The following RUNX2 variants were observed in gnomAD, a reference collection of about 807,000 sequenced individuals.
The protein encoded by RUNX2 is runt-related transcription factor 2.
RUNX2 carries 10 observed loss-of-function variants against 51.7 expected under a neutral mutation model. The observed-to-expected ratio is 0.19, with a 90% CI of 0.12 to 0.33. The LOEUF (loss-of-function observed/expected upper bound fraction) is 0.33. Ranked by LOEUF, RUNX2 falls within the 10% of genes least tolerant of loss-of-function variation. The pLI is 1.00. For missense variants in RUNX2, 562 were observed against 691.3 expected (o/e 0.81, Z 2.10); for synonymous variants, 276 against 273.6 (o/e 1.01, Z -0.09).
intron 2 of RUNX2, among the ~76,000 whole-genome samples, chr6:45,408,023 C>T (rs927257291): frequency 6.6e-6 from 1 of 152,042 alleles, no homozygotes; most frequent in Non-Finnish European, 1.5e-5. Context: ...AACATAACTA[C>T]ATTATACTTT....
Position 45,399,172 on chromosome 6 carries a change from C to T in RUNX2, c.59-23421C>T, listed in dbSNP as rs560369759. ...CCCTGACCCCAGTTTGTTTCCTCCT[C>T]TCTTCATCTGTATTTCTACTAATGA... On this transcript the variant is annotated intron_variant, in intron 2 of 8. Transcript: ENST00000647337. 2.0e-5 allele frequency among the ~76,000 whole-genome samples: 3 copies of T among 152,138 alleles called. No homozygotes were observed. The East Asian group carries it at 5.8e-4, about 29-fold the overall frequency.
intron 2 of RUNX2, among the ~76,000 whole-genome samples, chr6:45,418,537 G>C (rs1798111544): frequency 1.3e-5 from 2 of 152,172 alleles, no homozygotes; most frequent in South Asian, 4.1e-4. Context: ...TAAACCCAAA[G>C]ATGACATCAA....
rs926396144 is a variant in RUNX2 at position 45,380,430 on chromosome 6, A to C, written c.59-42163A>C. ...TGGCATGTAATATTCACGTAGACTC[A>C]CTAGTGCAAAGAGAAAGTGCATGTA... On this transcript the variant is annotated intron_variant, in intron 2 of 8. Transcript: ENST00000647337. Among the ~76,000 whole-genome samples, 32 of 152,248 alleles carry C rather than the reference A, an allele frequency of 2.1e-4. 1 individual carries two copies. The highest frequency in any genetic ancestry group is 7.7e-4 in the African/African-American group (32 of 41,468).
chr6:45,450,431 C>T (rs1046341636), intron 5 of RUNX2, among the ~76,000 whole-genome samples: 2 of 152,308 alleles, frequency 1.3e-5, no homozygotes, highest in African/African-American at 4.8e-5. Context: ...TGAGTGCTTA[C>T]TGTTAGCCAG....
chr6:45,372,734 G>A (rs1283563124), intron 2 of RUNX2, among the ~76,000 whole-genome samples: 1 of 151,984 alleles, frequency 6.6e-6, no homozygotes, highest in Non-Finnish European at 1.5e-5. Flanking sequence ...TCTCAGCTCA[G>A]TGCAATCTCC....
intron 7 of RUNX2, among the ~76,000 whole-genome samples, chr6:45,517,300 G>C (rs1046227280): frequency 3.0e-4 from 46 of 152,158 alleles, no homozygotes; most frequent in Admixed American, 2.0e-3. Flanking sequence ...CCCCATCTCA[G>C]CCTCCTGAGT....
intron 2 of RUNX2, among the ~76,000 whole-genome samples, chr6:45,383,157 G>A (rs960030403): frequency 2.0e-5 from 3 of 152,216 alleles, no homozygotes; most frequent in East Asian, 1.9e-4. Context: ...GTTCTGGGCC[G>A]GGCACGGTGA....
chr6:45,408,490 C>G (rs1237294198), intron 2 of RUNX2, among the ~76,000 whole-genome samples: 1 of 152,074 alleles, frequency 6.6e-6, no homozygotes, highest in South Asian at 2.1e-4. Context: ...TGATGCAATG[C>G]AGCCCCTAAG....
At chr6:45,507,712 A>G (rs1359600907) in intron 6 of RUNX2, among the ~76,000 whole-genome samples, 2 of 152,192 alleles carry the variant, frequency 1.3e-5, no homozygotes, top group African/African-American at 4.8e-5. Flanking sequence ...AAAGAACATG[A>G]TTAAGGTTAA....
intron 5 of RUNX2, among the ~76,000 whole-genome samples, chr6:45,488,758 A>G (rs1005502196): frequency 1.3e-5 from 2 of 152,174 alleles, no homozygotes; most frequent in African/African-American, 4.8e-5. Flanking sequence ...GCATTTTTAC[A>G]TAGAGTCTCA....
chr6:45,422,289 G>C, intron 2 of RUNX2: 2 of 323,672 alleles, frequency 6.2e-6, no homozygotes, highest in South Asian at 8.0e-5. Context: ...ACACCCCCGC[G>C]CCCGTTCGCA....
At chr6:45,463,629 T>C (rs983710687) in intron 5 of RUNX2, among the ~76,000 whole-genome samples, 1 of 152,038 alleles carries the variant, frequency 6.6e-6, no homozygotes, top group African/African-American at 2.4e-5. Flanking sequence ...GTTTAAATGC[T>C]TTTTTTAAAA....
At chr6:45,364,054 G>A (rs2150266917) in intron 2 of RUNX2, among the ~76,000 whole-genome samples, 1 of 151,682 alleles carries the variant, frequency 6.6e-6, no homozygotes, top group Middle Eastern at 3.4e-3. Context: ...AGTGAAGGTT[G>A]CAGTGAGCCA....
chr6:45,439,581 G>A (rs1015455577), intron 5 of RUNX2, among the ~76,000 whole-genome samples: 3 of 152,262 alleles, frequency 2.0e-5, no homozygotes, highest in Non-Finnish European at 4.4e-5. Context: ...ATGTAGCACC[G>A]CTAATACTTA....
chr6:45,490,519 A>G (rs938648277), intron 5 of RUNX2, among the ~76,000 whole-genome samples: 1 of 152,202 alleles, frequency 6.6e-6, no homozygotes, highest in Admixed American at 6.5e-5. Context: ...AGGAAAATAC[A>G]TTTTGGGGCA....
At chr6:45,405,272 G>A (rs1003878924) in intron 2 of RUNX2, among the ~76,000 whole-genome samples, 5 of 152,124 alleles carry the variant, frequency 3.3e-5, no homozygotes, top group Middle Eastern at 3.4e-3. Flanking sequence ...TAATACTTCC[G>A]GCAGCAAATA....
chr6:45,435,073 A>G (rs1186373936), intron 4 of RUNX2, among the ~76,000 whole-genome samples: 2 of 152,198 alleles, frequency 1.3e-5, no homozygotes, highest in Admixed American at 1.3e-4. Flanking sequence ...CTTGATCCTT[A>G]GGGTCTGATT....
intron 7 of RUNX2, among the ~76,000 whole-genome samples, chr6:45,522,309 C>T (rs1226847367): frequency 2.6e-5 from 4 of 152,038 alleles, no homozygotes; most frequent in African/African-American, 9.7e-5. Context: ...TAGTACTAGC[C>T]CATGTAGATG....
chr6:45,398,401 C>T (rs540250113), intron 2 of RUNX2, among the ~76,000 whole-genome samples: 2 of 152,274 alleles, frequency 1.3e-5, no homozygotes, highest in East Asian at 3.9e-4. Flanking sequence ...GGCAGTTTAG[C>T]TGCATTTTCT....
Sources: gnomAD v4.1 joint callset for allele counts (sites outside exome capture counted in the v4.1 genomes callset) on GRCh38, gnomAD v4.1.1 for gene constraint, MANE v1.5 for transcripts, NCBI Gene and HGNC (gene_info 2026-07-23, HGNC 2026-07-21) for gene names.